Variants in SPIRE2 observed in about 807,000 individuals in gnomAD.
The protein encoded by SPIRE2 is protein spire homolog 2.
SPIRE2 carries 76 observed loss-of-function variants against 80.7 expected under a neutral mutation model. The observed-to-expected ratio is 0.94, with a 90% CI of 0.78 to 1.14. The LOEUF is 1.14. SPIRE2 is among the 50% of genes most tolerant of loss of function. The probability of loss-of-function intolerance (pLI) is 0.00; values close to 1 mark genes in which losing one functional copy is unlikely to be tolerated. For missense variants in SPIRE2, 1,196 were observed against 1,015.3 expected (o/e 1.18, Z -2.42); for synonymous variants, 535 against 432.6 (o/e 1.24, Z -2.94).
intron 1 of SPIRE2, among the ~76,000 whole-genome samples, chr16:89,829,268 C>A (rs1468068938): frequency 6.6e-6 from 1 of 152,222 alleles, no homozygotes; most frequent in African/African-American, 2.4e-5. Context: ...CACTAAATTC[C>A]TGGGTTTAAC....
chr16:89,833,535 C>T (rs2041408995), intron 1 of SPIRE2, among the ~76,000 whole-genome samples: 1 of 152,260 alleles, frequency 6.6e-6, no homozygotes, highest in Non-Finnish European at 1.5e-5. Flanking sequence ...GCCCCTACGC[C>T]CTGCTGGGCT....
chr16:89,843,533 G>A lies in SPIRE2; in HGVS notation c.245-1789G>A, dbSNP rs112059663. ...CAAAGTCTGTCTCTCCCTCTGACCC[G>A]GGGTTTCTCATCTGACTGCTGTGAT... On this transcript the variant is annotated intron_variant, in intron 1 of 14. Transcript: ENST00000378247. Among the ~76,000 whole-genome samples, 576 of 150,756 alleles carry A rather than the reference G, an allele frequency of 3.8e-3. 8 individuals carry two copies. Among genetic ancestry groups the A allele is most frequent in the South Asian group, 0.017 (82 of 4,738 alleles).
At chr16:89,835,389 C>A (rs2041438545) in intron 1 of SPIRE2, among the ~76,000 whole-genome samples, 1 of 152,206 alleles carries the variant, frequency 6.6e-6, no homozygotes, top group African/African-American at 2.4e-5. Flanking sequence ...TCACTGCCAC[C>A]TTCCAGGCCC....
intron 12 of SPIRE2, among the ~76,000 whole-genome samples, chr16:89,866,261 G>C (rs2041788075): frequency 6.6e-6 from 1 of 152,086 alleles, no homozygotes; most frequent in African/African-American, 2.4e-5. Flanking sequence ...TTCTGAGCAT[G>C]TGGTGTCTAC....
In SPIRE2 at chr16:89,860,787, C is replaced by G. The variant is rs145224537; in HGVS notation, c.1567C>G (p.Leu523Val). 7.5e-4 allele frequency: 1,135 copies of G among 1,512,540 alleles called. 7 individuals are homozygous for G. In the African/African-American group the frequency reaches 0.015, roughly 19 times the overall value. The allele number at this position is 1,512,540 out of a possible 1,614,324, so 93.7% of individuals were successfully genotyped here. The stretch of plus-strand genomic sequence containing the variant: ...CTCCATGACCCCCGATGCCAAACAC[C>G]TGTGGCTGGTGAGTGAGGGTGCGAT... ...EASMTPDAKH[L>V]WLEFSHPVES... The change falls in exon 10 of 15, where the codon CTG becomes GTG. Residue 523 changes from leucine (L) to valine (V), a missense_variant. Coordinates refer to ENST00000378247, the MANE Select transcript of SPIRE2 (RefSeq NM_032451.2).
At chr16:89,834,589 C>T (rs2041424653) in intron 1 of SPIRE2, among the ~76,000 whole-genome samples, 1 of 113,670 alleles carries the variant, frequency 8.8e-6, no homozygotes, top group Non-Finnish European at 1.8e-5. Context: ...ATAAGCATAG[C>T]CCGTGTGAAT....
In SPIRE2 at chr16:89,863,743, A is replaced by G. The variant is rs368532369; in HGVS notation, c.1711-51A>G. On this transcript the variant is annotated intron_variant, in intron 11 of 14. Transcript: ENST00000378247. The surrounding 1 kb of genome is among the most constrained non-coding windows in gnomAD (Gnocchi z 4.3). Reference sequence around the variant, plus strand: ...GAGGGGGTAGCAGGGACAGGGCGGGACCCCAGGGAGCTTTGGACAAAGCGG... The same window carrying G: ...GAGGGGGTAGCAGGGACAGGGCGGGGCCCCAGGGAGCTTTGGACAAAGCGG... 9.4e-5 allele frequency: 151 copies of G among 1,608,686 alleles called. No homozygotes were observed. Among genetic ancestry groups the G allele is most frequent in the Non-Finnish European group, 1.2e-4 (143 of 1,175,438 alleles).
intron 12 of SPIRE2, among the ~76,000 whole-genome samples, chr16:89,864,145 G>A (rs1291968366): frequency 1.3e-5 from 2 of 152,164 alleles, no homozygotes; most frequent in Non-Finnish European, 2.9e-5. Flanking sequence ...TGGTTTTCAA[G>A]ACAGCAGGCA....
chr16:89,831,807 C>T lies in SPIRE2; in HGVS notation c.244+3013C>T, dbSNP rs568204859. On this transcript the variant is annotated intron_variant, in intron 1 of 14. Coordinates refer to ENST00000378247, the MANE Select transcript of SPIRE2 (RefSeq NM_032451.2). ...TTCTCCTGCCCCTCCCCCTTCTGCC[C>T]GGCTCTCAGGCCATCTGCCTCTAAG... is the stretch of plus-strand genomic sequence containing the variant. Among the ~76,000 whole-genome samples the T allele has an allele frequency of 2.7e-4, 41 of 151,344 alleles. 1 individual carries two copies. In the South Asian group the frequency reaches 4.4e-3, roughly 16 times the overall value.
intron 12 of SPIRE2, among the ~76,000 whole-genome samples, chr16:89,867,379 G>A (rs1004808600): frequency 6.6e-6 from 1 of 151,962 alleles, no homozygotes; most frequent in African/African-American, 2.4e-5. Context: ...ACCTGACCTC[G>A]TGATCCACCT....
At chr16:89,833,151 A>T (rs370981047) in intron 1 of SPIRE2, among the ~76,000 whole-genome samples, 2 of 150,784 alleles carry the variant, frequency 1.3e-5, no homozygotes, top group Non-Finnish European at 3.0e-5. Context: ...GCCACCGCAC[A>T]TGCCTTTTTG....
At chr16:89,868,136 C>A in intron 12 of SPIRE2, 53 bp from the exon 13 acceptor site, 1 of 1,609,820 alleles carries the variant, frequency 6.2e-7, no homozygotes. Flanking sequence ...TGTTTCTCAG[C>A]TGTTTGTGGG....
chr16:89,866,703 G>A (rs1196554368), intron 12 of SPIRE2, among the ~76,000 whole-genome samples: 1 of 151,686 alleles, frequency 6.6e-6, no homozygotes. Flanking sequence ...CCACCTCCCG[G>A]GTTCACGCCA....
At chr16:89,855,899 G>A (rs1214726314) in intron 6 of SPIRE2, 11 of 987,590 alleles carry the variant, frequency 1.1e-5, no homozygotes, top group South Asian at 6.9e-5. Context: ...AAGGGGCCAT[G>A]TGAGCCATGC....
chr16:89,860,721 C>G lies in SPIRE2; in HGVS notation c.1501C>G (p.Leu501Val). ...GAGTGTCTCTGACCCCAGCCACCCC[C>G]TACTCAGCAACCGGGGCTCCTCGGG... ...PASVSDPSHP[L>V]LSNRGSSGDR... Residue 501 changes from leucine to valine, a missense_variant, in exon 10 of 15, where the codon CTA becomes GTA. Transcript: ENST00000378247. The G allele has an allele frequency of 1.3e-6, 2 of 1,592,402 alleles. No individual in the cohort carries two copies. The highest frequency in any genetic ancestry group is 1.7e-6 in the Non-Finnish European group (2 of 1,170,054).
intron 1 of SPIRE2, among the ~76,000 whole-genome samples, chr16:89,843,289 G>C (rs976238158): frequency 7.2e-5 from 11 of 152,184 alleles, no homozygotes; most frequent in African/African-American, 2.4e-4. Flanking sequence ...TTCCTCATCT[G>C]TGAAACGGGA....
rs770114745 is a variant in SPIRE2 at position 89,859,261 on chromosome 16, C to T, written c.1369C>T (p.Leu457=). The change falls in exon 9 of 15, where the codon CTG becomes TTG. Residue 457 remains leucine, a synonymous_variant. Coordinates refer to ENST00000378247, the MANE Select transcript of SPIRE2 (RefSeq NM_032451.2). ...GCTCCGAAGTGAGGTGGCCTCTGGC[C>T]TGCAGTCGGCCACCCACCCCCCAGG... The part of the protein sequence containing the change: ...AQLRSEVASG[L]QSATHPPGGT... 6.2e-7 allele frequency: 1 copy of T among 1,607,764 alleles called. No individual in the cohort carries two copies.
In SPIRE2 at chr16:89,856,136, G is replaced by C. The variant is rs201891427; in HGVS notation, c.1002G>C (p.Pro334=). The part of the protein sequence containing the change: ...LKQVSERRLR[P]LPPKQRSLHE... ...AGGTCTCTGAGAGGCGGCTGCGCCCGTTGCCACCAAAGCAAAGGTCCCTGC... is the reference window on the plus strand; with the variant it reads ...AGGTCTCTGAGAGGCGGCTGCGCCCCTTGCCACCAAAGCAAAGGTCCCTGC... The change falls in exon 7 of 15, where the codon CCG becomes CCC. Residue 334 remains proline, a synonymous_variant. Transcript: ENST00000378247. The C allele has an allele frequency of 6.2e-7, 1 of 1,611,690 alleles. No individual in the cohort carries two copies. Among genetic ancestry groups the C allele is most frequent in the Non-Finnish European group, 8.5e-7 (1 of 1,179,688 alleles).
At chr16:89,860,365 C>T (rs143089687) in intron 9 of SPIRE2, among the ~76,000 whole-genome samples, 133 of 152,216 alleles carry the variant, frequency 8.7e-4, no homozygotes, top group Non-Finnish European at 1.6e-3. Flanking sequence ...CTCAAGCAAT[C>T]CTCCCGCCTC....
Sources: gnomAD v4.1 joint callset for allele counts (sites outside exome capture counted in the v4.1 genomes callset) on GRCh38, gnomAD v4.1.1 for gene constraint, Gnocchi (gnomAD v3.1) non-coding constraint, MANE v1.5 for transcripts, NCBI Gene and HGNC (gene_info 2026-07-23, HGNC 2026-07-21) for gene names.